The following LCORL variants were observed in gnomAD, a reference collection of about 807,000 sequenced individuals.
LCORL encodes the protein ligand dependent nuclear receptor corepressor like, also known as ligand-dependent nuclear receptor corepressor-like protein.
LCORL carries 41 observed loss-of-function variants against 141.8 expected under a neutral mutation model. The ratio of observed to expected loss-of-function variants is 0.29; its 90% confidence interval spans 0.23 to 0.38. The LOEUF (loss-of-function observed/expected upper bound fraction) is 0.38, where lower values mean the gene tolerates loss of function less well. Among genes scored for constraint, LCORL ranks in the 10% least tolerant of loss-of-function variants. The pLI, the probability that LCORL is intolerant of heterozygous loss-of-function variation, is 1.00. For missense variants in LCORL, 1,759 were observed against 2,035.0 expected (o/e 0.86, Z 2.61); for synonymous variants, 618 against 694.1 (o/e 0.89, Z 1.72).
exon 7 of LCORL, chr4:17,874,249 GAGAGTT>G: frequency 1.6e-6 from 2 of 1,233,860 alleles, no homozygotes; most frequent in South Asian, 4.1e-5. Context: ...TTTAAGAGTG[GAGAGTT>G]AGCCACTTTA....
At chr4:17,968,231 C>T (rs1715295892) in intron 2 of LCORL, among the ~76,000 whole-genome samples, 1 of 152,142 alleles carries the variant, frequency 6.6e-6, no homozygotes, top group Non-Finnish European at 1.5e-5. Context: ...TGGCAAAAAT[C>T]ACAATTACAT....
chr4:17,846,815 T>A (rs1426649730), intron 7 of LCORL, among the ~76,000 whole-genome samples: 1 of 152,156 alleles, frequency 6.6e-6, no homozygotes, highest in African/African-American at 2.4e-5. Context: ...TAATCCAATC[T>A]CACATCTCTG....
intron 1 of LCORL, among the ~76,000 whole-genome samples, chr4:18,020,888 A>G (rs1037919883): frequency 5.9e-5 from 9 of 152,308 alleles, no homozygotes; most frequent in Non-Finnish European, 1.0e-4. Flanking sequence ...CCAGACTTCC[A>G]AAGAGGGAGG....
At chr4:17,846,332 A>C (rs1722932324) in intron 7 of LCORL, among the ~76,000 whole-genome samples, 1 of 152,172 alleles carries the variant, frequency 6.6e-6, no homozygotes, top group Non-Finnish European at 1.5e-5. Flanking sequence ...GAATTTTGCA[A>C]AAGCCAAGTA....
At position 17,911,391 on chromosome 4, in the gene LCORL, C is replaced by A. The variant is rs536725647; in HGVS notation, c.431-2046G>T. Among the ~76,000 whole-genome samples, 370 of 152,274 alleles carry A rather than the reference C, an allele frequency of 2.4e-3. 1 individual carries two copies. Among genetic ancestry groups the A allele is most frequent in the South Asian group, 7.3e-3 (35 of 4,818 alleles). Reference sequence around the variant, plus strand: ...GTTTTGCACCAAAATAAACTACTAACTTGTTATAACATGTGTAAACGGCAT... The same window carrying A: ...GTTTTGCACCAAAATAAACTACTAAATTGTTATAACATGTGTAAACGGCAT... On this transcript the variant is annotated intron_variant, in intron 4 of 7. Coordinates refer to ENST00000635767, the Ensembl canonical transcript of LCORL.
At chr4:17,863,797 C>T (rs989006228) in intron 7 of LCORL, among the ~76,000 whole-genome samples, 5 of 152,152 alleles carry the variant, frequency 3.3e-5, no homozygotes, top group East Asian at 3.8e-4. Flanking sequence ...ATATAGACAA[C>T]GGAATACTAT....
chr4:18,021,508 G>T lies in LCORL; in HGVS notation c.154+90C>A. 8.6e-7 allele frequency: 1 copy of T among 1,158,872 alleles called. No individual in the cohort carries two copies. Among genetic ancestry groups the T allele is most frequent in the Non-Finnish European group, 1.2e-6 (1 of 849,716 alleles). 71.8% of individuals were successfully genotyped at this position (1,158,872 alleles called of 1,614,324 possible). On this transcript the variant is annotated intron_variant, in intron 1 of 7. Transcript: ENST00000635767. This position sits in a 1 kb window ranked among gnomAD's most constrained non-coding sequence, Gnocchi z 5.5. Reference sequence around the variant, plus strand: ...CCCCACCGAACTAACCCGAACGGGAGATTCAACTAAACCCCTCAGCCACAA... The same window carrying T: ...CCCCACCGAACTAACCCGAACGGGATATTCAACTAAACCCCTCAGCCACAA...
chr4:18,018,286 A>C (rs951369074), intron 1 of LCORL, among the ~76,000 whole-genome samples: 1 of 152,168 alleles, frequency 6.6e-6, no homozygotes, highest in African/African-American at 2.4e-5. Flanking sequence ...TAGTACTAGG[A>C]TACTATTTAC....
At chr4:17,941,675 C>T (rs1001494541) in intron 4 of LCORL, among the ~76,000 whole-genome samples, 9 of 152,124 alleles carry the variant, frequency 5.9e-5, no homozygotes, top group African/African-American at 2.2e-4. Context: ...ATACAAAACA[C>T]TTAAGTATTG....
intron 2 of LCORL, among the ~76,000 whole-genome samples, chr4:17,970,145 A>G (rs1715662827): frequency 6.6e-6 from 1 of 152,200 alleles, no homozygotes; most frequent in Non-Finnish European, 1.5e-5. Flanking sequence ...AATAGAATGG[A>G]AAGTACCATA....
At chr4:17,865,263 C>CA in intron 7 of LCORL, among the ~76,000 whole-genome samples, 1 of 152,084 alleles carries the variant, frequency 6.6e-6, no homozygotes, top group Non-Finnish European at 1.5e-5. Flanking sequence ...TAAAACATCA[C>CA]AAAAAATTCA....
intron 7 of LCORL, among the ~76,000 whole-genome samples, chr4:17,860,112 G>A (rs1724831250): frequency 6.6e-6 from 1 of 152,146 alleles, no homozygotes; most frequent in Admixed American, 6.5e-5. Context: ...GACTGCCAAT[G>A]ACATTCATAT....
chr4:17,980,064 GC>G (rs1405355659), intron 1 of LCORL, among the ~76,000 whole-genome samples: 1 of 152,106 alleles, frequency 6.6e-6, no homozygotes. Context: ...AAGGAAGACG[GC>G]CCTGCCTACA....
intron 1 of LCORL, among the ~76,000 whole-genome samples, chr4:17,990,058 G>T: frequency 6.8e-6 from 1 of 147,534 alleles, no homozygotes; most frequent in African/African-American, 2.5e-5. Context: ...CTCCCACTTC[G>T]TCTTCTACCA....
Position 17,852,948 on chromosome 4 carries a change from G to C in LCORL, c.5603-7047C>G, listed in dbSNP as rs537596832. Among the ~76,000 whole-genome samples, 19 of 151,998 alleles carry C rather than the reference G, an allele frequency of 1.3e-4. No individual in the cohort carries two copies. The South Asian group carries it at 4.0e-3, about 32-fold the overall frequency. ...GGACAATAAACTTGAATGTTACCTA[G>C]CCGACTCTTACAGGAATCAAATTTT... On this transcript the variant is annotated intron_variant, in intron 7 of 7. Coordinates refer to ENST00000635767, the Ensembl canonical transcript of LCORL.
chr4:18,007,905 G>A (rs948576570), intron 1 of LCORL, among the ~76,000 whole-genome samples: 5 of 151,966 alleles, frequency 3.3e-5, no homozygotes, highest in Non-Finnish European at 7.4e-5. Flanking sequence ...ATACTAAAAG[G>A]TTAAGAAAGC....
At chr4:17,941,747 T>C (rs1295153883) in intron 4 of LCORL, among the ~76,000 whole-genome samples, 2 of 152,200 alleles carry the variant, frequency 1.3e-5, no homozygotes, top group African/African-American at 2.4e-5. Context: ...CAATTTACTC[T>C]AGATACATTA....
exon 7 of LCORL, chr4:17,874,519 G>T: frequency 8.1e-7 from 1 of 1,233,706 alleles, no homozygotes; most frequent in Non-Finnish European, 1.0e-6. Context: ...ATTTTTACAG[G>T]TGAAACTTCA....
chr4:17,950,175 A>C (rs1739493011), intron 4 of LCORL, among the ~76,000 whole-genome samples: 2 of 152,198 alleles, frequency 1.3e-5, no homozygotes, highest in African/African-American at 4.8e-5. Flanking sequence ...TGTTAAAGGA[A>C]GCAATGCTTA....
Sources: allele counts gnomAD v4.1 joint callset (sites outside exome capture counted in the v4.1 genomes callset), GRCh38; gene constraint gnomAD v4.1.1; non-coding constraint Gnocchi (gnomAD v3.1); transcripts MANE v1.5; gene names NCBI Gene and HGNC (gene_info 2026-07-23, HGNC 2026-07-21).